Variants in AKT3 observed in about 807,000 individuals in gnomAD.
AKT3 encodes RAC-gamma serine/threonine-protein kinase.
A neutral mutation model predicts 65.3 loss-of-function variants in AKT3; 15 were observed. That is an observed-to-expected ratio of 0.23 (90% CI 0.15 to 0.35). The LOEUF (loss-of-function observed/expected upper bound fraction) is 0.35. Ranked by LOEUF, AKT3 falls within the 10% of genes least tolerant of loss-of-function variation. AKT3 has a pLI of 1.00. For missense variants in AKT3, 243 were observed against 576.5 expected, an observed-to-expected ratio of 0.42 and a Z score of 5.92; for synonymous variants, 206 against 183.8, an observed-to-expected ratio of 1.12 and a Z score of -0.98.
rs560144339 is a variant in AKT3 at position 243,806,193 on chromosome 1, G to T, written c.46+36932C>A. ...CTAGTTCTCCCTTCTATAGAACCATGGCACTAAGTAGATACCTTTACTATA... is the reference window on the plus strand; with the variant it reads ...CTAGTTCTCCCTTCTATAGAACCATTGCACTAAGTAGATACCTTTACTATA... On this transcript the variant is annotated intron_variant, in intron 2 of 13. Coordinates refer to ENST00000673466, the MANE Select transcript of AKT3 (RefSeq NM_005465.7). Among the ~76,000 whole-genome samples, 7 of 152,182 alleles carry T rather than the reference G, an allele frequency of 4.6e-5. 1 individual carries two copies. The South Asian group carries it at 1.5e-3, about 32-fold the overall frequency.
At chr1:243,572,159 T>C (rs1674608998) in intron 9 of AKT3, among the ~76,000 whole-genome samples, 1 of 152,214 alleles carries the variant, frequency 6.6e-6, no homozygotes, top group Non-Finnish European at 1.5e-5. Flanking sequence ...TCATGAGAAT[T>C]ACTATTACCT....
chr1:243,758,569 A>G (rs112784321), intron 2 of AKT3, among the ~76,000 whole-genome samples: 5,234 of 152,254 alleles, frequency 0.034, 128 homozygotes, highest in Non-Finnish European at 0.057. Context: ...GGCACCAGGG[A>G]CCAGTTTCAT....
At chr1:243,770,236 T>C (rs186325658) in intron 2 of AKT3, among the ~76,000 whole-genome samples, 12 of 152,274 alleles carry the variant, frequency 7.9e-5, no homozygotes, top group African/African-American at 2.4e-4. Flanking sequence ...CAATAAAGAT[T>C]TGTGAGTTGA....
intron 2 of AKT3, among the ~76,000 whole-genome samples, chr1:243,816,850 C>T (rs1014233868): frequency 2.6e-5 from 4 of 152,142 alleles, no homozygotes; most frequent in Non-Finnish European, 5.9e-5. Context: ...TGCTATGCTA[C>T]CATGGTGGAT....
At chr1:243,723,791 C>T (rs541194007) in intron 2 of AKT3, among the ~76,000 whole-genome samples, 1 of 152,188 alleles carries the variant, frequency 6.6e-6, no homozygotes, top group South Asian at 2.1e-4. Context: ...CATAGTGGAA[C>T]CTGCCAGCAG....
intron 10 of AKT3, among the ~76,000 whole-genome samples, chr1:243,555,416 T>C (rs1673342675): frequency 6.6e-6 from 1 of 152,160 alleles, no homozygotes. Context: ...ATCTAAATTA[T>C]TTCAAAACAC....
At chr1:243,730,989 C>T (rs566732132) in intron 2 of AKT3, among the ~76,000 whole-genome samples, 3 of 152,276 alleles carry the variant, frequency 2.0e-5, no homozygotes, top group South Asian at 2.1e-4. Flanking sequence ...CCTCATCAGG[C>T]GTGGGATCCG....
At chr1:243,811,586 G>C (rs1033319892) in intron 2 of AKT3, among the ~76,000 whole-genome samples, 3 of 152,204 alleles carry the variant, frequency 2.0e-5, no homozygotes, top group South Asian at 4.2e-4. Flanking sequence ...TGTGAAAATG[G>C]CCATACTGCC....
At chr1:243,600,574 C>T (rs1189664509) in intron 8 of AKT3, among the ~76,000 whole-genome samples, 1 of 151,972 alleles carries the variant, frequency 6.6e-6, no homozygotes, top group Non-Finnish European at 1.5e-5. Flanking sequence ...GTCTTTTCAA[C>T]AAATATGCTG....
chr1:243,603,656 T>A (rs1677180124), intron 8 of AKT3, among the ~76,000 whole-genome samples: 2 of 152,102 alleles, frequency 1.3e-5, no homozygotes, highest in Admixed American at 1.3e-4. Context: ...CTGATTTAAC[T>A]CTCCCCACTC....
chr1:243,505,464 A>G, intron 13 of AKT3, 130 bp from the exon 14 acceptor site: 1 of 689,584 alleles, frequency 1.5e-6, no homozygotes, highest in South Asian at 1.8e-5. Flanking sequence ...ACTTGTGTTC[A>G]TCAATAAGCT....
At chr1:243,763,310 A>C (rs1252388595) in intron 2 of AKT3, among the ~76,000 whole-genome samples, 1 of 152,116 alleles carries the variant, frequency 6.6e-6, no homozygotes, top group Non-Finnish European at 1.5e-5. Flanking sequence ...GGTAAGCTAT[A>C]TTTCAGAGAA....
chr1:243,738,555 T>C (rs1687969494), intron 2 of AKT3, among the ~76,000 whole-genome samples: 1 of 152,126 alleles, frequency 6.6e-6, no homozygotes. Flanking sequence ...TTAAAGAAAA[T>C]GTAAATAAAT....
At chr1:243,492,058 G>A (rs1666561911) in intron 13 of AKT3, among the ~76,000 whole-genome samples, 1 of 152,030 alleles carries the variant, frequency 6.6e-6, no homozygotes, top group Non-Finnish European at 1.5e-5. Context: ...GGCTCAGGCT[G>A]GCCTGTGGCC....
At chr1:243,691,343 G>A (rs944853617) in intron 3 of AKT3, among the ~76,000 whole-genome samples, 12 of 152,158 alleles carry the variant, frequency 7.9e-5, no homozygotes, top group African/African-American at 2.7e-4. Context: ...TAAGAAAGCT[G>A]AACTTTATCC....
At chr1:243,827,743 T>C (rs1330941853) in intron 2 of AKT3, among the ~76,000 whole-genome samples, 5 of 152,124 alleles carry the variant, frequency 3.3e-5, no homozygotes, top group African/African-American at 4.8e-5. Flanking sequence ...TTGAAAAATA[T>C]AGGAGCAGTA....
intron 9 of AKT3, among the ~76,000 whole-genome samples, chr1:243,570,558 C>G (rs1393973699): frequency 2.0e-5 from 3 of 152,142 alleles, no homozygotes; most frequent in Admixed American, 2.0e-4. Context: ...AAAACCCTGA[C>G]TGCTATCAAC....
intron 8 of AKT3, among the ~76,000 whole-genome samples, chr1:243,580,423 C>G (rs1259563831): frequency 6.6e-6 from 1 of 152,044 alleles, no homozygotes; most frequent in Non-Finnish European, 1.5e-5. Context: ...TTTCCAGACC[C>G]GGGAAAAAGA....
rs373102155 is a variant in AKT3, at chr1:243,807,256, C to T, written c.46+35869G>A. On this transcript the variant is annotated intron_variant, in intron 2 of 13. Transcript: ENST00000673466. Reference sequence around the variant, plus strand: ...GAGGCATCACCTCACCCGGGAAGCACAAGGCGTCAGGGAATTCCCTTTCCT... The same window carrying T: ...GAGGCATCACCTCACCCGGGAAGCATAAGGCGTCAGGGAATTCCCTTTCCT... Among the ~76,000 whole-genome samples the T allele has an allele frequency of 1.2e-3, 185 of 152,330 alleles. 7 individuals are homozygous for T. In the South Asian group the frequency reaches 0.036, roughly 30 times the overall value.
Sources: gnomAD v4.1 joint callset for allele counts (sites outside exome capture counted in the v4.1 genomes callset) on GRCh38, gnomAD v4.1.1 for gene constraint, MANE v1.5 for transcripts, NCBI Gene and HGNC (gene_info 2026-07-23, HGNC 2026-07-21) for gene names.